The following BCL2L11 variants were observed in gnomAD, a reference collection of about 807,000 sequenced individuals.
BCL2L11 encodes the protein BCL2 like 11, also known as bcl-2-like protein 11.
In BCL2L11, 15 loss-of-function variants were observed where a neutral mutation model predicts 20.6. The observed-to-expected ratio is 0.73, with a 90% CI of 0.49 to 1.12. The LOEUF (loss-of-function observed/expected upper bound fraction) is 1.12. Among genes scored for constraint, BCL2L11 ranks in the 50% most tolerant of loss-of-function variants. The pLI is 0.00. For missense variants in BCL2L11, 292 were observed against 260.9 expected, an observed-to-expected ratio of 1.12 and a Z score of -0.82; for synonymous variants, 108 against 92.8, an observed-to-expected ratio of 1.16 and a Z score of -0.94.
At chr2:111,135,171 A>AT (rs533626270) in intron 2 of BCL2L11, among the ~76,000 whole-genome samples, 15 of 151,988 alleles carry the variant, frequency 9.9e-5, no homozygotes, top group African/African-American at 3.6e-4. Context: ...GAGACTGTTC[A>AT]TTTTTTTCCA....
At chr2:111,141,980 C>A (rs990248516) in intron 2 of BCL2L11, among the ~76,000 whole-genome samples, 2 of 152,124 alleles carry the variant, frequency 1.3e-5, no homozygotes, top group Non-Finnish European at 2.9e-5. Context: ...GGATTACAGG[C>A]GTGAGCCACT....
At chr2:111,161,423 C>T in intron 3 of BCL2L11, 1 of 1,550,546 alleles carries the variant, frequency 6.4e-7, no homozygotes, top group Non-Finnish European at 8.7e-7. Context: ...TCACAGATGC[C>T]TCTTCCACCT....
At chr2:111,147,776 T>A (rs1053553357) in intron 2 of BCL2L11, among the ~76,000 whole-genome samples, 2 of 152,132 alleles carry the variant, frequency 1.3e-5, no homozygotes, top group African/African-American at 4.8e-5. Flanking sequence ...AATTTACGAG[T>A]TAGGGGAAAT....
intron 3 of BCL2L11, among the ~76,000 whole-genome samples, chr2:111,159,237 C>A (rs1038720042): frequency 6.6e-6 from 1 of 152,232 alleles, no homozygotes; most frequent in African/African-American, 2.4e-5. Context: ...ATTCCATCTT[C>A]ATGTGGGCCA....
At chr2:111,159,594 T>A (rs536996518) in intron 3 of BCL2L11, among the ~76,000 whole-genome samples, 1 of 152,336 alleles carries the variant, frequency 6.6e-6, no homozygotes, top group African/African-American at 2.4e-5. Flanking sequence ...CCTCTATTGT[T>A]TTCCAAGCAT....
chr2:111,152,526 G>T (rs1173140240), intron 3 of BCL2L11, among the ~76,000 whole-genome samples: 1 of 152,248 alleles, frequency 6.6e-6, no homozygotes. Context: ...GGACCTGGTG[G>T]ATGCACCTCC....
rs574905027 is a variant in BCL2L11 at position 111,167,223 on chromosome 2, A to T, written c.*2992A>T. The T allele has an allele frequency of 6.6e-6, 1 of 152,410 alleles. No individual in the cohort carries two copies. Among genetic ancestry groups the T allele is most frequent in the South Asian group, 2.1e-4 (1 of 4,822 alleles). 9.4% of individuals were successfully genotyped at this position (152,410 alleles called of 1,614,324 possible). A position where few individuals can be genotyped will look rare whatever the true frequency, so the allele number is the denominator to read the frequency against. ...GGGGTGACTGGAGAGCTCATTGCAG[A>T]CCACGTGGTCCTCCAGGGTGGCTCT... On this transcript the variant is annotated 3_prime_UTR_variant, in exon 4 of 4. Coordinates refer to ENST00000393256, the MANE Select transcript of BCL2L11 (RefSeq NM_138621.5).
rs1199356981 is a variant in BCL2L11 at position 111,128,681 on chromosome 2, C to T, written c.394+4542C>T. The T allele has an allele frequency of 4.5e-6, 7 of 1,546,096 alleles. No homozygotes were observed. The African/African-American group carries it at 9.7e-5, about 21-fold the overall frequency. ...TCACTGTGCTTTGGATTTATATTTA[C>T]TGGCTTAGATTTGTATGGCCACCAC... On this transcript the variant is annotated intron_variant, in intron 2 of 3. Transcript: ENST00000393256.
chr2:111,147,747 A>C (rs1390861873), intron 2 of BCL2L11, among the ~76,000 whole-genome samples: 3 of 152,258 alleles, frequency 2.0e-5, no homozygotes, highest in Non-Finnish European at 4.4e-5. Flanking sequence ...CAAAGTGTTA[A>C]AGAGAATCCA....
chr2:111,152,052 G>C (rs771873176), intron 3 of BCL2L11, among the ~76,000 whole-genome samples: 1 of 152,328 alleles, frequency 6.6e-6, no homozygotes, highest in South Asian at 2.1e-4. Flanking sequence ...TGAGAAGTGG[G>C]ACCACAGTGT....
intron 2 of BCL2L11, among the ~76,000 whole-genome samples, chr2:111,132,764 G>A (rs1034249178): frequency 1.3e-5 from 2 of 152,214 alleles, no homozygotes; most frequent in Non-Finnish European, 2.9e-5. Context: ...AAAGTATCTT[G>A]AGGTTCCTGG....
At chr2:111,135,409 G>A (rs1321335375) in intron 2 of BCL2L11, among the ~76,000 whole-genome samples, 1 of 152,116 alleles carries the variant, frequency 6.6e-6, no homozygotes, top group Non-Finnish European at 1.5e-5. Flanking sequence ...TGGGGGAGAT[G>A]TGTAAGCTTG....
At chr2:111,161,519 T>TC in intron 3 of BCL2L11, 1 of 1,549,340 alleles carries the variant, frequency 6.5e-7, no homozygotes, top group Non-Finnish European at 8.7e-7. Flanking sequence ...AGGAAGACGG[T>TC]CAAGGCATGG....
intron 3 of BCL2L11, chr2:111,151,709 C>T: frequency 1.2e-6 from 1 of 867,416 alleles, no homozygotes; most frequent in Non-Finnish European, 1.9e-6. Context: ...CACATCGGAT[C>T]TTCCTACCTT....
chr2:111,153,837 A>G (rs1484321031), intron 3 of BCL2L11: 4 of 1,551,720 alleles, frequency 2.6e-6, no homozygotes, highest in Non-Finnish European at 3.5e-6. Context: ...ACTTAAGGGC[A>G]GTGGGGAAGC....
intron 2 of BCL2L11, chr2:111,142,507 T>C (rs2075980796): frequency 1.3e-6 from 1 of 788,406 alleles, no homozygotes; most frequent in African/African-American, 1.7e-5. Flanking sequence ...TCAATAATCA[T>C]ATCTGTGTTA....
intron 3 of BCL2L11, among the ~76,000 whole-genome samples, chr2:111,157,248 T>C (rs995723278): frequency 1.3e-5 from 2 of 151,804 alleles, no homozygotes; most frequent in African/African-American, 4.9e-5. Flanking sequence ...GAGGTCTAAC[T>C]GGGGTTTTTT....
intron 2 of BCL2L11, 54 bp from the exon 3 acceptor site, chr2:111,149,990 C>G: frequency 6.6e-7 from 1 of 1,510,836 alleles, no homozygotes; most frequent in Non-Finnish European, 9.1e-7. Context: ...TTGGAACTTT[C>G]CCAGTGATCT....
At chr2:111,132,673 G>A (rs2074166281) in intron 2 of BCL2L11, among the ~76,000 whole-genome samples, 1 of 152,212 alleles carries the variant, frequency 6.6e-6, no homozygotes, top group African/African-American at 2.4e-5. Context: ...CTCCAGGCTT[G>A]AAAGCCAAGC....
Sources: gnomAD v4.1 joint callset for allele counts (sites outside exome capture counted in the v4.1 genomes callset) on GRCh38, gnomAD v4.1.1 for gene constraint, MANE v1.5 for transcripts, NCBI Gene and HGNC (gene_info 2026-07-23, HGNC 2026-07-21) for gene names.